GRXCR1: variants seen among roughly 807,000 people sequenced by gnomAD.
GRXCR1 encodes the protein glutaredoxin and cysteine rich domain containing 1.
GRXCR1 carries 27 observed loss-of-function variants against 27.3 expected under a neutral mutation model. That is an observed-to-expected ratio of 0.99 (90% confidence interval 0.73 to 1.37). The LOEUF is 1.37. Ranked by LOEUF, GRXCR1 falls within the 40% of genes most tolerant of loss-of-function variation. The probability of loss-of-function intolerance (pLI) is 0.00; values close to 1 mark genes in which losing one functional copy is unlikely to be tolerated. For synonymous variants in GRXCR1, 122 were observed against 131.1 expected (o/e 0.93, Z 0.47); for missense variants, 379 against 354.4 (o/e 1.07, Z -0.56).
chr4:43,016,327 G>A (rs1398689275), intron 2 of GRXCR1, among the ~76,000 whole-genome samples: 1 of 152,126 alleles, frequency 6.6e-6, no homozygotes, highest in African/African-American at 2.4e-5. Flanking sequence ...ATATTTGGTA[G>A]CATTATTGTC....
At chr4:42,914,272 G>C (rs1276287350) in intron 1 of GRXCR1, among the ~76,000 whole-genome samples, 2 of 152,252 alleles carry the variant, frequency 1.3e-5, no homozygotes, top group East Asian at 1.9e-4. Context: ...CAGCTGGGAG[G>C]GGGGCTGTAT....
chr4:42,967,213 T>A (rs1480911349), intron 2 of GRXCR1, among the ~76,000 whole-genome samples: 1 of 152,084 alleles, frequency 6.6e-6, no homozygotes, highest in African/African-American at 2.4e-5. Context: ...ATTGAGTTCA[T>A]TTTTGTGAAG....
intron 2 of GRXCR1, among the ~76,000 whole-genome samples, chr4:42,977,404 A>G (rs1387770537): frequency 6.6e-6 from 1 of 152,024 alleles, no homozygotes; most frequent in Admixed American, 6.6e-5. Flanking sequence ...ACCACTTACC[A>G]TAATGGCTAT....
At position 42,892,813 on chromosome 4, in the gene GRXCR1, C is replaced by A. The variant is rs755537149; in HGVS notation, c.-454C>A. On this transcript the variant is annotated 5_prime_UTR_variant, in exon 1 of 4. Coordinates refer to ENST00000399770, the MANE Select transcript of GRXCR1 (RefSeq NM_001080476.3). ...GTGAGAAAACTGTGACTGCTCTTAT[C>A]CTACAAACTTGGTTCCACATTTTAC... Among the ~76,000 whole-genome samples, 1 of 152,084 alleles carries A rather than the reference C, an allele frequency of 6.6e-6. No homozygotes were observed. Among genetic ancestry groups the A allele is most frequent in the Non-Finnish European group, 1.5e-5 (1 of 67,998 alleles).
chr4:42,983,572 GT>G (rs1381516235), intron 2 of GRXCR1, among the ~76,000 whole-genome samples: 1 of 151,784 alleles, frequency 6.6e-6, no homozygotes, highest in African/African-American at 2.4e-5. Flanking sequence ...CTTTAAGGTA[GT>G]TTTTTCCAAT....
rs114211609 is a variant in GRXCR1 at position 42,968,804 on chromosome 4, A to T, written c.627+5670A>T. On this transcript the variant is annotated intron_variant, in intron 2 of 3. Transcript: ENST00000399770. Reference sequence around the variant, plus strand: ...TTTTATTTTTTCAGGAATCTCACCCAACTTCCACTTGCATTTTATTGTTAA... The same window carrying T: ...TTTTATTTTTTCAGGAATCTCACCCTACTTCCACTTGCATTTTATTGTTAA... Among the ~76,000 whole-genome samples the T allele has an allele frequency of 8.2e-3, 1,241 of 152,206 alleles. 14 individuals are homozygous for T. Among genetic ancestry groups the T allele is most frequent in the African/African-American group, 0.028 (1,171 of 41,546 alleles).
chr4:42,990,170 G>GTTTTTTTTT (rs1243636449), intron 2 of GRXCR1, among the ~76,000 whole-genome samples: 2 of 63,448 alleles, frequency 3.2e-5, no homozygotes, highest in African/African-American at 1.1e-4. Flanking sequence ...TGAATTATTA[G>GTTTTTTTTT]TTCTTTTTTT....
At chr4:42,972,981 T>C (rs1384971018) in intron 2 of GRXCR1, among the ~76,000 whole-genome samples, 3 of 152,098 alleles carry the variant, frequency 2.0e-5, no homozygotes, top group African/African-American at 7.2e-5. Context: ...CTTCCATTTG[T>C]TCCCCTATTG....
chr4:42,928,158 A>G (rs1263386969), intron 1 of GRXCR1, among the ~76,000 whole-genome samples: 1 of 152,002 alleles, frequency 6.6e-6, no homozygotes, highest in Non-Finnish European at 1.5e-5. Context: ...AGGATTAGTG[A>G]CACACCCTGG....
At chr4:42,980,335 G>A (rs894813639) in intron 2 of GRXCR1, among the ~76,000 whole-genome samples, 3 of 151,746 alleles carry the variant, frequency 2.0e-5, no homozygotes, top group African/African-American at 7.3e-5. Context: ...TTGGTATGTA[G>A]TGTTTCCATT....
intron 2 of GRXCR1, among the ~76,000 whole-genome samples, chr4:42,987,229 TTATATATATATAATATATA>T (rs1711777624): frequency 2.2e-5 from 2 of 92,234 alleles, no homozygotes; most frequent in South Asian, 3.1e-4. Flanking sequence ...ATATTATATA[TTATATATATATAATATATA>T]ATATATATAT....
intron 2 of GRXCR1, among the ~76,000 whole-genome samples, chr4:42,990,752 T>G (rs1166258071): frequency 2.0e-5 from 3 of 152,232 alleles, no homozygotes; most frequent in African/African-American, 7.2e-5. Flanking sequence ...TTATTGATAT[T>G]TTCTTTGTAG....
intron 2 of GRXCR1, among the ~76,000 whole-genome samples, chr4:43,016,713 C>T (rs978022242): frequency 6.6e-6 from 1 of 151,816 alleles, no homozygotes; most frequent in Non-Finnish European, 1.5e-5. Flanking sequence ...TGCCTAATCC[C>T]TAATGGAGAC....
chr4:43,024,612 T>G (rs1362987329), intron 3 of GRXCR1, among the ~76,000 whole-genome samples: 1 of 152,204 alleles, frequency 6.6e-6, no homozygotes, highest in East Asian at 1.9e-4. Flanking sequence ...TTTAGAATTA[T>G]GAGCTACAAA....
chr4:43,019,497 C>T (rs992031), intron 2 of GRXCR1, among the ~76,000 whole-genome samples: 1 of 151,990 alleles, frequency 6.6e-6, no homozygotes, highest in South Asian at 2.1e-4. Flanking sequence ...ACGCCTAGGA[C>T]ACAGTGACAA....
At chr4:42,976,301 T>A (rs987960945) in intron 2 of GRXCR1, among the ~76,000 whole-genome samples, 20 of 152,208 alleles carry the variant, frequency 1.3e-4, no homozygotes, top group African/African-American at 4.8e-4. Flanking sequence ...AACCTATATG[T>A]GTAGCCATTT....
chr4:42,908,711 A>G (rs1295239387), intron 1 of GRXCR1, among the ~76,000 whole-genome samples: 1 of 152,216 alleles, frequency 6.6e-6, no homozygotes, highest in African/African-American at 2.4e-5. Flanking sequence ...TTATCTGCAG[A>G]CAACAAGGAA....
intron 1 of GRXCR1, among the ~76,000 whole-genome samples, chr4:42,897,947 ATTATTATTATTC>A (rs145991383): frequency 0.52 from 49,714 of 95,810 alleles, 8,895 homozygotes; most frequent in South Asian, 0.68. Context: ...TATTATTATT[ATTATTATTATTC>A]TTATTATGTC....
intron 2 of GRXCR1, among the ~76,000 whole-genome samples, chr4:42,969,614 C>A (rs1416629628): frequency 6.6e-6 from 1 of 152,098 alleles, no homozygotes; most frequent in Non-Finnish European, 1.5e-5. Flanking sequence ...ACAACCAGAT[C>A]TCGTGAGAAC....
Sources: allele counts gnomAD v4.1 joint callset (sites outside exome capture counted in the v4.1 genomes callset), GRCh38; gene constraint gnomAD v4.1.1; transcripts MANE v1.5; gene names NCBI Gene and HGNC (gene_info 2026-07-23, HGNC 2026-07-21).